Variants in TMEM131 observed in about 807,000 individuals in gnomAD.
TMEM131 encodes transmembrane protein 131.
TMEM131 carries 66 observed loss-of-function variants against 211.6 expected under a neutral mutation model. The observed-to-expected ratio is 0.31, with a 90% CI of 0.26 to 0.38. TMEM131 has a LOEUF of 0.38. Ranked by LOEUF, TMEM131 falls within the 10% of genes least tolerant of loss-of-function variation. TMEM131 has a pLI of 1.00. For synonymous variants in TMEM131, 844 were observed against 841.3 expected (o/e 1.00, Z -0.06); for missense variants, 2,036 against 2,299.3 (o/e 0.89, Z 2.34).
At chr2:97,854,481 G>C (rs1479071843) in intron 5 of TMEM131, among the ~76,000 whole-genome samples, 6 of 152,148 alleles carry the variant, frequency 3.9e-5, no homozygotes, top group Non-Finnish European at 8.8e-5. Flanking sequence ...ACTCTGGTCA[G>C]AGTAATCATC....
rs553733189 is a variant in TMEM131, at chr2:97,821,380, G to A, written c.1075-2659C>T. 5.1e-4 allele frequency among the ~76,000 whole-genome samples: 77 copies of A among 152,292 alleles called. 1 individual carries two copies. Among genetic ancestry groups the A allele is most frequent in the African/African-American group, 1.7e-3 (71 of 41,560 alleles). ...TGTAAAATGGACCAATCAGCAGGAC[G>A]CGGGCAGGGCCAAATAAGGGAATAA... On this transcript the variant is annotated intron_variant, in intron 11 of 40. Coordinates refer to ENST00000186436, the MANE Select transcript of TMEM131 (RefSeq NM_015348.2).
chr2:97,827,061 T>C (rs1422903451), intron 11 of TMEM131, among the ~76,000 whole-genome samples: 4 of 110,054 alleles, frequency 3.6e-5, no homozygotes, highest in Non-Finnish European at 7.2e-5. Context: ...ATTCAGTAAG[T>C]GATAAGCAAA....
chr2:97,913,453 C>T (rs904197216), intron 2 of TMEM131, among the ~76,000 whole-genome samples: 3 of 152,138 alleles, frequency 2.0e-5, no homozygotes, highest in African/African-American at 7.2e-5. Flanking sequence ...GATAAAGAAA[C>T]TAAGCCTCTA....
intron 1 of TMEM131, among the ~76,000 whole-genome samples, chr2:97,977,886 G>A (rs956718501): frequency 6.6e-6 from 1 of 152,052 alleles, no homozygotes; most frequent in African/African-American, 2.4e-5. Flanking sequence ...AGGAGTTCGA[G>A]ACCAACCTGG....
At chr2:97,852,163 T>C (rs1380055704) in intron 5 of TMEM131, among the ~76,000 whole-genome samples, 63 of 11,902 alleles carry the variant, frequency 5.3e-3, no homozygotes, top group South Asian at 0.018. Context: ...GGCATTCTCT[T>C]TTTTTTTTTT....
In TMEM131 at chr2:97,867,257, G is replaced by A. The variant is rs555526208; in HGVS notation, c.360-7830C>T. On this transcript the variant is annotated intron_variant, in intron 4 of 40. Coordinates refer to ENST00000186436, the MANE Select transcript of TMEM131 (RefSeq NM_015348.2). ...CTTTATCTTCTGCCTAGATGGTATA[G>A]CCATTATTGAAAATGGGGATACTGA... Among the ~76,000 whole-genome samples the A allele has an allele frequency of 4.6e-5, 7 of 152,196 alleles. No individual in the cohort carries two copies. In the East Asian group the frequency reaches 1.2e-3, roughly 25 times the overall value.
intron 19 of TMEM131, among the ~76,000 whole-genome samples, chr2:97,809,079 TTC>T (rs1681435499): frequency 6.6e-6 from 1 of 152,186 alleles, no homozygotes; most frequent in African/African-American, 2.4e-5. Flanking sequence ...TGTCCTCTAT[TTC>T]TTTCTGCAGA....
At chr2:97,787,675 G>A (rs1016396142) in intron 31 of TMEM131, among the ~76,000 whole-genome samples, 2 of 152,086 alleles carry the variant, frequency 1.3e-5, no homozygotes, top group Admixed American at 6.5e-5. Flanking sequence ...ATTTTTGGTG[G>A]CTGCTGATGT....
At chr2:97,940,858 T>C (rs1677690060) in intron 1 of TMEM131, among the ~76,000 whole-genome samples, 1 of 151,024 alleles carries the variant, frequency 6.6e-6, no homozygotes, top group Admixed American at 6.6e-5. Flanking sequence ...TCCATGCTCA[T>C]GGATAGGAAG....
intron 12 of TMEM131, 132 bp downstream of exon 12, chr2:97,818,481 G>GGGGAA (rs796772650): frequency 2.1e-4 from 63 of 293,190 alleles, no homozygotes; most frequent in Non-Finnish European, 2.9e-4. Context: ...GGCGGGGGGG[G>GGGGAA]ATCAACCTAA....
At chr2:97,766,685 C>T in intron 33 of TMEM131, 83 bp from the exon 34 acceptor site, 2 of 1,525,220 alleles carry the variant, frequency 1.3e-6, no homozygotes, top group Non-Finnish European at 9.0e-7. Context: ...AATTCTTCTA[C>T]AATACAACTG....
At position 97,797,492 on chromosome 2, in the gene TMEM131, C is replaced by G. The variant is rs1249896879; in HGVS notation, c.2743G>C (p.Gly915Arg). Residue 915 changes from glycine (G) to arginine (R), a missense_variant, in exon 26 of 41, where the codon GGA becomes CGA. This residue lies in a region of TMEM131 where 1,623 missense variants were observed against 1,805.9 expected (regional missense o/e 0.90). Transcript: ENST00000186436. ...NSAHPLQSST[G>R]FMEGLSRHLI... is the part of the protein sequence containing the mutation. ...TGTCGAGAGAGGCCCTCCATAAATC[C>G]TGTTGAACTCTGCAGTGGATGAGCC... The G allele has an allele frequency of 2.5e-6, 4 of 1,613,136 alleles. No individual in the cohort carries two copies. The highest frequency in any genetic ancestry group is 3.4e-6 in the Non-Finnish European group (4 of 1,179,506).
At chr2:97,852,290 T>C (rs932587021) in intron 5 of TMEM131, among the ~76,000 whole-genome samples, 2 of 151,784 alleles carry the variant, frequency 1.3e-5, no homozygotes, top group African/African-American at 4.8e-5. Context: ...GCCTCCTGAG[T>C]AACTGAGATT....
At chr2:97,881,443 A>G (rs1674925480) in intron 4 of TMEM131, among the ~76,000 whole-genome samples, 1 of 151,730 alleles carries the variant, frequency 6.6e-6, no homozygotes, top group South Asian at 2.1e-4. Flanking sequence ...CTTGAGCTCA[A>G]GCAATCCTCC....
At chr2:97,828,577 A>G (rs2105040189) in intron 11 of TMEM131, among the ~76,000 whole-genome samples, 1 of 152,360 alleles carries the variant, frequency 6.6e-6, no homozygotes, top group East Asian at 1.9e-4. Context: ...TTTGCAAGAA[A>G]TAATGAAATC....
At chr2:97,780,068 C>A (rs1679925805) in intron 31 of TMEM131, among the ~76,000 whole-genome samples, 2 of 151,372 alleles carry the variant, frequency 1.3e-5, no homozygotes, top group Admixed American at 1.3e-4. Flanking sequence ...CAAAAAAAAA[C>A]AAAAACAAAA....
intron 7 of TMEM131, among the ~76,000 whole-genome samples, chr2:97,840,149 A>C (rs540494256): frequency 8.5e-5 from 13 of 152,336 alleles, no homozygotes; most frequent in African/African-American, 3.1e-4. Flanking sequence ...TTGGTGTTCC[A>C]TTTGCTCTCT....
At chr2:97,803,730 A>C (rs1357136395) in intron 22 of TMEM131, among the ~76,000 whole-genome samples, 1 of 152,214 alleles carries the variant, frequency 6.6e-6, no homozygotes, top group Non-Finnish European at 1.5e-5. Flanking sequence ...CCAAGGTCTT[A>C]GCAATGGGGT....
intron 3 of TMEM131, among the ~76,000 whole-genome samples, chr2:97,890,912 GAAGA>G: frequency 6.6e-6 from 1 of 152,266 alleles, no homozygotes. Context: ...GAATGATATA[GAAGA>G]AACAGTACAT....
Sources: gnomAD v4.1 joint callset for allele counts (sites outside exome capture counted in the v4.1 genomes callset) on GRCh38, gnomAD v4.1.1 for gene constraint, gnomAD v4.1.1 regional missense constraint, MANE v1.5 for transcripts, NCBI Gene and HGNC (gene_info 2026-07-23, HGNC 2026-07-21) for gene names.